The following SPDYA variants were observed in gnomAD, a reference collection of about 807,000 sequenced individuals.
The protein encoded by SPDYA is speedy protein A.
SPDYA carries 11 observed loss-of-function variants against 36.7 expected under a neutral mutation model. The observed-to-expected ratio is 0.30, with a 90% CI of 0.19 to 0.50. SPDYA has a LOEUF of 0.50. SPDYA is among the 20% of genes least tolerant of loss of function. The pLI is 0.98. For synonymous variants in SPDYA, 115 were observed against 118.7 expected, an observed-to-expected ratio of 0.97 and a Z score of 0.20; for missense variants, 287 against 370.9, an observed-to-expected ratio of 0.77 and a Z score of 1.86.
chr2:28,847,606 C>T (rs1668911042), intron 7 of SPDYA, among the ~76,000 whole-genome samples: 3 of 151,280 alleles, frequency 2.0e-5, no homozygotes, highest in Admixed American at 6.6e-5. Flanking sequence ...ATTAGCCGGG[C>T]GTGATGGCAC....
Position 28,828,016 on chromosome 2 carries a change from C to T in SPDYA, c.381-1132C>T, listed in dbSNP as rs150839572. Among the ~76,000 whole-genome samples, 54 of 151,606 alleles carry T rather than the reference C, an allele frequency of 3.6e-4. 3 individuals carry two copies. The East Asian group carries it at 0.01, about 28-fold the overall frequency. ...CTTTTTTCTTTTTGAGACAGAGTCT[C>T]CCCGTCACCCAGGCTGGAGTGCAGT... is the stretch of plus-strand genomic sequence containing the variant. On this transcript the variant is annotated intron_variant, in intron 5 of 7. Transcript: ENST00000334056.
intron 5 of SPDYA, among the ~76,000 whole-genome samples, chr2:28,824,076 G>A (rs572098400): frequency 1.3e-5 from 2 of 151,898 alleles, no homozygotes; most frequent in African/African-American, 4.8e-5. Flanking sequence ...TGTTTACCTA[G>A]AGAACACATA....
chr2:28,841,265 A>G (rs1483240678), intron 7 of SPDYA, among the ~76,000 whole-genome samples: 1 of 152,098 alleles, frequency 6.6e-6, no homozygotes, highest in Non-Finnish European at 1.5e-5. Context: ...GACATGGTAT[A>G]AGTACCATAA....
chr2:28,813,528 G>A (rs1316527518), intron 1 of SPDYA, among the ~76,000 whole-genome samples: 1 of 151,608 alleles, frequency 6.6e-6, no homozygotes, highest in Admixed American at 6.6e-5. Context: ...AGAATCCTGA[G>A]TACTCTTTAG....
intron 1 of SPDYA, among the ~76,000 whole-genome samples, chr2:28,812,160 T>C (rs1449853896): frequency 6.6e-6 from 1 of 152,184 alleles, no homozygotes; most frequent in Non-Finnish European, 1.5e-5. Context: ...AAAATAAGGA[T>C]AAAATAATAC....
chr2:28,838,989 T>C (rs1668680200), intron 6 of SPDYA, among the ~76,000 whole-genome samples: 1 of 152,230 alleles, frequency 6.6e-6, no homozygotes, highest in African/African-American at 2.4e-5. Context: ...GACTTTTGCT[T>C]AGAATGCTTA....
chr2:28,847,825 A>G (rs1265865830), intron 7 of SPDYA, among the ~76,000 whole-genome samples: 1 of 152,148 alleles, frequency 6.6e-6, no homozygotes, highest in East Asian at 1.9e-4. Flanking sequence ...AAAAATTCCT[A>G]TCACCTACTG....
chr2:28,815,684 A>G (rs571955391), intron 2 of SPDYA, among the ~76,000 whole-genome samples: 12 of 152,210 alleles, frequency 7.9e-5, no homozygotes, highest in Non-Finnish European at 1.5e-4. Flanking sequence ...AGAAGACTAC[A>G]AATAAATTAT....
At chr2:28,840,564 A>T in intron 7 of SPDYA, 95 bp downstream of exon 7, 2 of 1,483,446 alleles carry the variant, frequency 1.3e-6, no homozygotes, top group Non-Finnish European at 8.9e-7. Flanking sequence ...TAATTTATAT[A>T]CTCCAACAAT....
chr2:28,838,916 T>C (rs1025927892), intron 6 of SPDYA, among the ~76,000 whole-genome samples: 3 of 152,262 alleles, frequency 2.0e-5, no homozygotes, highest in Admixed American at 2.0e-4. Context: ...TTAATAAGGC[T>C]CTGTCCAGCT....
intron 4 of SPDYA, among the ~76,000 whole-genome samples, chr2:28,820,134 T>C (rs577116219): frequency 2.2e-4 from 33 of 151,936 alleles, no homozygotes; most frequent in Non-Finnish European, 2.1e-4. Flanking sequence ...TTTACTAAGG[T>C]AGTCTGCATT....
intron 4 of SPDYA, among the ~76,000 whole-genome samples, chr2:28,821,525 A>C (rs1454539821): frequency 6.6e-6 from 1 of 152,062 alleles, no homozygotes; most frequent in African/African-American, 2.4e-5. Context: ...TTATGGTTTT[A>C]AGGTGCAGTA....
chr2:28,821,287 C>T (rs1668157507), intron 4 of SPDYA, among the ~76,000 whole-genome samples: 1 of 148,466 alleles, frequency 6.7e-6, no homozygotes, highest in Non-Finnish European at 1.5e-5. Flanking sequence ...GCAACCTCCG[C>T]CTCCCGGGTT....
intron 7 of SPDYA, among the ~76,000 whole-genome samples, chr2:28,848,005 C>A (rs1443869568): frequency 1.3e-5 from 2 of 152,124 alleles, no homozygotes; most frequent in African/African-American, 2.4e-5. Context: ...GTAGGCTATA[C>A]CACCTAGGTT....
chr2:28,827,541 T>C (rs1406846763), intron 5 of SPDYA, among the ~76,000 whole-genome samples: 1 of 152,186 alleles, frequency 6.6e-6, no homozygotes, highest in Non-Finnish European at 1.5e-5. Flanking sequence ...ATATTTTTAT[T>C]GTAAGTTGCC....
At chr2:28,818,460 AAG>A (rs1166754065) in intron 3 of SPDYA, among the ~76,000 whole-genome samples, 9 of 123,392 alleles carry the variant, frequency 7.3e-5, no homozygotes, top group South Asian at 2.7e-4. Context: ...AAAAAAAAAA[AAG>A]AGAAAGAGAG....
chr2:28,850,547 C>A lies in SPDYA; in HGVS notation c.*606C>A. On this transcript the variant is annotated 3_prime_UTR_variant, in exon 8 of 8. Coordinates refer to ENST00000334056, the MANE Select transcript of SPDYA (RefSeq NM_182756.4). ...TTGCATATGTTTTAGAGCTACTCTGCCAGTTATTATACAGAAACTATTTGT... is the reference window on the plus strand; with the variant it reads ...TTGCATATGTTTTAGAGCTACTCTGACAGTTATTATACAGAAACTATTTGT... 1 of 592,170 alleles carries A rather than the reference C, an allele frequency of 1.7e-6. No individual in the cohort carries two copies. Among genetic ancestry groups the A allele is most frequent in the South Asian group, 2.5e-5 (1 of 39,932 alleles). The allele number at this position is 592,170 out of a possible 1,614,324, so 36.7% of individuals were successfully genotyped here.
chr2:28,835,523 GC>G (rs565353424), intron 6 of SPDYA, among the ~76,000 whole-genome samples: 30 of 152,216 alleles, frequency 2.0e-4, no homozygotes, highest in African/African-American at 7.2e-4. Flanking sequence ...AGGCATGAGC[GC>G]CCAGCCTTAT....
At chr2:28,823,548 C>G (rs1286454135) in intron 5 of SPDYA, among the ~76,000 whole-genome samples, 1 of 147,234 alleles carries the variant, frequency 6.8e-6, no homozygotes, top group East Asian at 2.0e-4. Flanking sequence ...CGCTTGAACC[C>G]GGGAGGTGGA....
Sources: gnomAD v4.1 joint callset for allele counts (sites outside exome capture counted in the v4.1 genomes callset) on GRCh38, gnomAD v4.1.1 for gene constraint, MANE v1.5 for transcripts, NCBI Gene and HGNC (gene_info 2026-07-23, HGNC 2026-07-21) for gene names.